The following BAAT variants were observed in gnomAD, a reference collection of about 807,000 sequenced individuals.
The protein encoded by BAAT is bile acid CoA: amino acid N-acyltransferase (glycine N-choloyltransferase).
In BAAT, 13 loss-of-function variants were observed where a neutral mutation model predicts 18.9. The ratio of observed to expected loss-of-function variants is 0.69; its 90% CI spans 0.45 to 1.10. The LOEUF is 1.10. Among genes scored for constraint, BAAT ranks in the 50% least tolerant of loss-of-function variants. The pLI is 0.00. For missense variants in BAAT, 489 were observed against 504.0 expected, an observed-to-expected ratio of 0.97 and a Z score of 0.28; for synonymous variants, 170 against 190.7, an observed-to-expected ratio of 0.89 and a Z score of 0.89.
At chr9:101,378,538 G>A (rs568433462) in intron 1 of BAAT, among the ~76,000 whole-genome samples, 1 of 152,280 alleles carries the variant, frequency 6.6e-6, no homozygotes, top group African/African-American at 2.4e-5. Context: ...GCAGAAAATG[G>A]AAACTAGACT....
intron 1 of BAAT, among the ~76,000 whole-genome samples, chr9:101,381,055 CTGTG>C (rs949653835): frequency 4.0e-5 from 6 of 151,842 alleles, no homozygotes; most frequent in African/African-American, 1.5e-4. Context: ...CCGCACCTGG[CTGTG>C]TGTGTGTATT....
At chr9:101,380,596 C>T (rs1462979147) in intron 1 of BAAT, among the ~76,000 whole-genome samples, 2 of 152,242 alleles carry the variant, frequency 1.3e-5, no homozygotes, top group East Asian at 3.9e-4. Flanking sequence ...CTTTTTATAT[C>T]CTAGCACTGG....
In BAAT at chr9:101,362,943, G is replaced by A. The variant is rs1406116150; in HGVS notation, c.742C>T (p.Leu248=). 3.1e-6 allele frequency: 5 copies of A among 1,613,978 alleles called. No individual in the cohort carries two copies. The highest frequency in any genetic ancestry group is 2.7e-5 in the African/African-American group (2 of 74,962). The change falls in exon 4 of 4, where the codon CTA becomes TTA. Residue 248 remains leucine (L), a synonymous_variant. Coordinates refer to ENST00000259407, the MANE Select transcript of BAAT (RefSeq NM_001701.4). The part of the protein sequence containing the change: ...VQIGLSMAIY[L]KQVTATVLIN... ...AGTACCGTGGCTGTGACTTGCTTTA[G>A]GTAAATAGCCATAGATAGTCCAATC...
At chr9:101,367,872 T>C (rs1251364820) in intron 3 of BAAT, among the ~76,000 whole-genome samples, 1 of 152,206 alleles carries the variant, frequency 6.6e-6, no homozygotes, top group Non-Finnish European at 1.5e-5. Flanking sequence ...ATTCTATTCA[T>C]GCCCATGTTA....
At chr9:101,373,158 G>A (rs1443811198) in intron 1 of BAAT, among the ~76,000 whole-genome samples, 2 of 152,010 alleles carry the variant, frequency 1.3e-5, no homozygotes, top group Non-Finnish European at 2.9e-5. Flanking sequence ...GCTTTTCCTT[G>A]CTGTAAAATA....
At chr9:101,376,488 T>C (rs1297588573) in intron 1 of BAAT, 1 of 153,120 alleles carries the variant, frequency 6.5e-6, no homozygotes, top group Non-Finnish European at 1.5e-5. Flanking sequence ...TCAATTTAGT[T>C]TGATGATATC....
intron 2 of BAAT, among the ~76,000 whole-genome samples, chr9:101,369,286 T>C (rs557291085): frequency 6.6e-5 from 10 of 151,598 alleles, no homozygotes; most frequent in Non-Finnish European, 1.2e-4. Context: ...GTACAATGAA[T>C]AAATAATAAA....
In BAAT at chr9:101,362,949, T is replaced by C. The variant is rs750938106; in HGVS notation, c.736A>G (p.Ile246Val). The C allele has an allele frequency of 6.2e-7, 1 of 1,613,954 alleles. No homozygotes were observed. Among genetic ancestry groups the C allele is most frequent in the South Asian group, 1.1e-5 (1 of 91,076 alleles). The stretch of plus-strand genomic sequence containing the variant: ...GTGGCTGTGACTTGCTTTAGGTAAA[T>C]AGCCATAGATAGTCCAATCTGTACT... ...QGVQIGLSMA[I>V]YLKQVTATVL... The change falls in exon 4 of 4, where the codon ATT (isoleucine) becomes GTT (valine). Residue 246 changes from isoleucine (I) to valine (V), a missense_variant. Transcript: ENST00000259407.
In BAAT at chr9:101,362,558, G is replaced by T. The variant is rs138094960; in HGVS notation, c.1127C>A (p.Thr376Lys). Residue 376 changes from threonine (T) to lysine (K), a missense_variant, in exon 4 of 4, where the codon ACG becomes AAG. Coordinates refer to ENST00000259407, the MANE Select transcript of BAAT (RefSeq NM_001701.4). ...PPYSPLCCAS[T>K]THDLRLHWGG... ...CCAGTGTAACCTCAAATCGTGGGTC[G>T]TTGAGGCACAGCACAGAGGAGAATA... 1.2e-6 allele frequency: 2 copies of T among 1,614,086 alleles called. No individual in the cohort carries two copies. The highest frequency in any genetic ancestry group is 3.3e-5 in the Admixed American group (2 of 60,000).
intron 1 of BAAT, among the ~76,000 whole-genome samples, 195 bp downstream of exon 1, chr9:101,384,654 TATAAAC>T (rs1830176481): frequency 1.3e-5 from 2 of 152,220 alleles, no homozygotes; most frequent in African/African-American, 2.4e-5. Flanking sequence ...GGATGAATCT[TATAAAC>T]ATAATGTCGT....
At chr9:101,365,786 G>A (rs759323763) in intron 3 of BAAT, among the ~76,000 whole-genome samples, 23 of 151,982 alleles carry the variant, frequency 1.5e-4, no homozygotes, top group Admixed American at 6.6e-4. Flanking sequence ...TGCCCACCTC[G>A]GCCTCCCAAA....
chr9:101,380,802 G>A (rs1830120363), intron 1 of BAAT, among the ~76,000 whole-genome samples: 1 of 152,072 alleles, frequency 6.6e-6, no homozygotes, highest in Non-Finnish European at 1.5e-5. Flanking sequence ...CGCCCAGGCT[G>A]GAGTGCAGTG....
At chr9:101,371,567 C>T in intron 1 of BAAT, 104 bp from the exon 2 acceptor site, 3 of 730,232 alleles carry the variant, frequency 4.1e-6, no homozygotes, top group Non-Finnish European at 7.0e-6. Flanking sequence ...AGTTCTAACC[C>T]TCTAGTTCTT....
chr9:101,369,128 CACTGAAAGAA>C (rs1829882433), intron 2 of BAAT, among the ~76,000 whole-genome samples: 1 of 152,120 alleles, frequency 6.6e-6, no homozygotes, highest in African/African-American at 2.4e-5. Flanking sequence ...AGAGCCCACA[CACTGAAAGAA>C]ACTTACGATG....
chr9:101,377,727 T>C lies in BAAT; in HGVS notation c.-59-6264A>G, dbSNP rs572077183. ...GGATGTCCTCTCTCACCTCTCCTAT[T>C]CAACAAAGTATTGGAAGTTCTAGCC... On this transcript the variant is annotated intron_variant, in intron 1 of 3. Transcript: ENST00000259407. Among the ~76,000 whole-genome samples, 8 of 152,180 alleles carry C rather than the reference T, an allele frequency of 5.3e-5. No individual in the cohort carries two copies. In the South Asian group the frequency reaches 1.7e-3, roughly 32 times the overall value.
Position 101,380,710 on chromosome 9 carries a change from A to G in BAAT, c.-60+4145T>C, listed in dbSNP as rs11560557. On this transcript the variant is annotated intron_variant, in intron 1 of 3. Transcript: ENST00000259407. ...CCTATTAACAGTAGGAGATATGTCA[A>G]TCACATTGTAAAATTTTTTTAAGTG... 3.7e-3 allele frequency among the ~76,000 whole-genome samples: 557 copies of G among 152,312 alleles called. 19 individuals are homozygous for G. The East Asian group carries it at 0.08, about 22-fold the overall frequency.
chr9:101,383,901 T>C (rs979979511), intron 1 of BAAT, among the ~76,000 whole-genome samples: 4 of 152,268 alleles, frequency 2.6e-5, no homozygotes, highest in Non-Finnish European at 5.9e-5. Context: ...AAACTACAAA[T>C]GTGATCACAG....
chr9:101,370,830 T>C (rs1438835520), intron 2 of BAAT, 109 bp downstream of exon 2: 18 of 1,262,814 alleles, frequency 1.4e-5, no homozygotes, highest in Admixed American at 5.2e-5. Context: ...AAAACAATAA[T>C]AACAATAACC....
At chr9:101,365,510 A>T (rs145316899) in intron 3 of BAAT, among the ~76,000 whole-genome samples, 2 of 151,716 alleles carry the variant, frequency 1.3e-5, no homozygotes, top group Non-Finnish European at 2.9e-5. Flanking sequence ...GTATTTTTTT[A>T]ATTTTAATTT....
Sources: allele counts gnomAD v4.1 joint callset (sites outside exome capture counted in the v4.1 genomes callset), GRCh38; gene constraint gnomAD v4.1.1; transcripts MANE v1.5; gene names NCBI Gene and HGNC (gene_info 2026-07-23, HGNC 2026-07-21).